SLAIN2: variants seen among roughly 807,000 people sequenced by gnomAD.
The protein encoded by SLAIN2 is SLAIN family member 2.
In SLAIN2, 31 loss-of-function variants were observed where a neutral mutation model predicts 56.6. That is an observed-to-expected ratio of 0.55 (90% CI 0.41 to 0.74). The LOEUF (loss-of-function observed/expected upper bound fraction) is 0.74, where lower values mean the gene tolerates loss of function less well. Among genes scored for constraint, SLAIN2 ranks in the 30% least tolerant of loss-of-function variants. The pLI, the probability that SLAIN2 is intolerant of heterozygous loss-of-function variation, is 0.00. For missense variants in SLAIN2, 777 were observed against 754.2 expected (o/e 1.03, Z -0.35); for synonymous variants, 317 against 284.9 (o/e 1.11, Z -1.13).
intron 6 of SLAIN2, among the ~76,000 whole-genome samples, chr4:48,418,458 G>A (rs1717058192): frequency 6.6e-6 from 1 of 152,032 alleles, no homozygotes; most frequent in African/African-American, 2.4e-5. Context: ...TACACTGATT[G>A]ATTTTCAAAT....
At chr4:48,408,906 C>T (rs1349965594) in intron 6 of SLAIN2, among the ~76,000 whole-genome samples, 1 of 152,014 alleles carries the variant, frequency 6.6e-6, no homozygotes, top group Non-Finnish European at 1.5e-5. Flanking sequence ...CATATTTTGT[C>T]TTTTATAACA....
intron 2 of SLAIN2, among the ~76,000 whole-genome samples, chr4:48,375,361 C>A (rs976199272): frequency 6.6e-6 from 1 of 152,304 alleles, no homozygotes; most frequent in Admixed American, 6.5e-5. Flanking sequence ...AATTACTGCA[C>A]TGTCTAACTA....
chr4:48,367,693 A>G (rs373681468), intron 1 of SLAIN2, among the ~76,000 whole-genome samples: 69 of 152,264 alleles, frequency 4.5e-4, no homozygotes, highest in African/African-American at 1.5e-3. Flanking sequence ...TTTAGTTTGT[A>G]GTAGTTTCTG....
At position 48,377,925 on chromosome 4, in the gene SLAIN2, C is replaced by T; in HGVS notation, c.568C>T (p.Pro190Ser). ...ALKRQNLYNN[P>S]FNSMSYTSPY... is the part of the protein sequence containing the mutation. ...CAAGAGGCAGAATTTATATAATAAT[C>T]CTTTCAACTCTATGAGTTACACCAG... Residue 190 changes from proline to serine, a missense_variant, in exon 3 of 8, where the codon CCT (proline) becomes TCT (serine). Coordinates refer to ENST00000264313, the MANE Select transcript of SLAIN2 (RefSeq NM_020846.2). 6.2e-7 allele frequency: 1 copy of T among 1,613,764 alleles called. No homozygotes were observed. Among genetic ancestry groups the T allele is most frequent in the Non-Finnish European group, 8.5e-7 (1 of 1,179,852 alleles).
At position 48,341,768 on chromosome 4, in the gene SLAIN2, C is replaced by T. The variant is rs1191511299; in HGVS notation, c.29C>T (p.Ala10Val). ...GAGGACGTTAACTCCAACGTGAACG[C>T]GGACCAGGAGGTGCGGAAGCTGCAG... MEDVNSNVN[A>V]DQEVRKLQEL... Residue 10 changes from alanine (A) to valine (V), a missense_variant, in exon 1 of 8, where the codon GCG (alanine) becomes GTG (valine). Ala to Val is a moderately conservative substitution (Grantham distance 64). Transcript: ENST00000264313. The T allele has an allele frequency of 4.3e-5, 66 of 1,530,494 alleles. No homozygotes were observed. Among genetic ancestry groups the T allele is most frequent in the Non-Finnish European group, 5.8e-5 (66 of 1,138,690 alleles). 94.8% of individuals were successfully genotyped at this position (1,530,494 alleles called of 1,614,324 possible). A position where few individuals can be genotyped will look rare whatever the true frequency, so the allele number is the denominator to read the frequency against.
intron 4 of SLAIN2, 78 bp downstream of exon 4, chr4:48,379,926 A>G: frequency 8.1e-7 from 1 of 1,237,090 alleles, no homozygotes; most frequent in Non-Finnish European, 1.1e-6. Context: ...GTCTTAAAGT[A>G]TTGTGGGGGT....
chr4:48,363,486 A>T (rs1715393248), intron 1 of SLAIN2, among the ~76,000 whole-genome samples: 1 of 54,950 alleles, frequency 1.8e-5, no homozygotes, highest in African/African-American at 5.9e-5. Flanking sequence ...CTGGCCGGAC[A>T]GAGGGGCTCC....
intron 1 of SLAIN2, among the ~76,000 whole-genome samples, chr4:48,353,560 CATTT>C (rs927099192): frequency 6.6e-6 from 1 of 151,968 alleles, no homozygotes; most frequent in Non-Finnish European, 1.5e-5. Context: ...ATGAAACAAA[CATTT>C]ATTTGGTCAG....
In SLAIN2 at chr4:48,413,242, A is replaced by G. The variant is rs1200995310; in HGVS notation, c.1361-6883A>G. 2.3e-4 allele frequency among the ~76,000 whole-genome samples: 32 copies of G among 141,208 alleles called. No homozygotes were observed. In the South Asian group the frequency reaches 6.5e-3, roughly 29 times the overall value. The allele number at this position is 141,208 out of a possible 152,430, so 92.6% of individuals were successfully genotyped here. On this transcript the variant is annotated intron_variant, in intron 6 of 7. Coordinates refer to ENST00000264313, the MANE Select transcript of SLAIN2 (RefSeq NM_020846.2). ...GACTCTGCCTCAAAAAAAAAAAAAA[A>G]TGTTGATAATGACAGTAGAGATGTT...
At chr4:48,406,079 C>A (rs981818245) in intron 6 of SLAIN2, among the ~76,000 whole-genome samples, 1 of 152,124 alleles carries the variant, frequency 6.6e-6, no homozygotes, top group East Asian at 1.9e-4. Flanking sequence ...TCTTTGATAC[C>A]GTCTTGCTAA....
intron 1 of SLAIN2, among the ~76,000 whole-genome samples, chr4:48,352,009 A>G (rs905457006): frequency 6.6e-6 from 1 of 152,232 alleles, no homozygotes; most frequent in African/African-American, 2.4e-5. Flanking sequence ...TCTTAACTAA[A>G]GGGATGTTTG....
At chr4:48,376,229 G>A (rs1239595665) in intron 2 of SLAIN2, among the ~76,000 whole-genome samples, 1 of 152,148 alleles carries the variant, frequency 6.6e-6, no homozygotes, top group South Asian at 2.1e-4. Context: ...CAAGGCAGGC[G>A]GATCATCTGA....
intron 1 of SLAIN2, among the ~76,000 whole-genome samples, chr4:48,353,793 A>G (rs190210027): frequency 3.8e-4 from 58 of 152,330 alleles, no homozygotes; most frequent in African/African-American, 1.3e-3. Context: ...TGGAGAAAAC[A>G]GTTAAGATTA....
intron 6 of SLAIN2, among the ~76,000 whole-genome samples, chr4:48,408,846 A>G (rs1716772599): frequency 6.6e-6 from 1 of 152,194 alleles, no homozygotes; most frequent in Non-Finnish European, 1.5e-5. Context: ...CACTCACTCA[A>G]TTTCAGTTCT....
intron 1 of SLAIN2, among the ~76,000 whole-genome samples, chr4:48,368,607 G>A (rs768277645): frequency 4.6e-5 from 7 of 152,170 alleles, no homozygotes; most frequent in Non-Finnish European, 1.0e-4. Flanking sequence ...AATTTTTAAA[G>A]TGTAATTGCT....
chr4:48,384,444 AAATT>A (rs1716050572), intron 6 of SLAIN2, among the ~76,000 whole-genome samples: 1 of 152,168 alleles, frequency 6.6e-6, no homozygotes, highest in Admixed American at 6.5e-5. Context: ...TATGTATGCC[AAATT>A]AATTCATAGT....
At chr4:48,388,648 CCTCTTCCCAG>C (rs1716159468) in intron 6 of SLAIN2, among the ~76,000 whole-genome samples, 1 of 152,130 alleles carries the variant, frequency 6.6e-6, no homozygotes, top group African/African-American at 2.4e-5. Context: ...CAGATTTCTC[CCTCTTCCCAG>C]CTCCTCCCTG....
At chr4:48,372,520 C>T (rs1415008139) in intron 2 of SLAIN2, among the ~76,000 whole-genome samples, 1 of 152,112 alleles carries the variant, frequency 6.6e-6, no homozygotes, top group Non-Finnish European at 1.5e-5. Flanking sequence ...TTACCAACCC[C>T]TGGTTTAAAA....
intron 2 of SLAIN2, 64 bp downstream of exon 2, chr4:48,370,061 T>G: frequency 6.6e-7 from 1 of 1,516,846 alleles, no homozygotes; most frequent in South Asian, 1.2e-5. Flanking sequence ...ACCATAAATA[T>G]TGAGCATTGT....
Sources: allele counts gnomAD v4.1 joint callset (sites outside exome capture counted in the v4.1 genomes callset), GRCh38; gene constraint gnomAD v4.1.1; transcripts MANE v1.5; gene names NCBI Gene and HGNC (gene_info 2026-07-23, HGNC 2026-07-21).